The following LYPD4 variants were observed in gnomAD, a reference collection of about 807,000 sequenced individuals.
The protein encoded by LYPD4 is ly6/PLAUR domain-containing protein 4.
In LYPD4, 20 loss-of-function variants were observed where a neutral mutation model predicts 18.2. The observed-to-expected ratio is 1.10, with a 90% CI of 0.77 to 1.59. The LOEUF is 1.59. LYPD4 is among the 40% of genes most tolerant of loss of function. The pLI is 0.00. For synonymous variants in LYPD4, 111 were observed against 118.3 expected (o/e 0.94, Z 0.40); for missense variants, 278 against 300.3 (o/e 0.93, Z 0.55).
At chr19:41,840,881 TA>T (rs1174730268) in intron 1 of LYPD4, among the ~76,000 whole-genome samples, 1 of 151,766 alleles carries the variant, frequency 6.6e-6, no homozygotes, top group Non-Finnish European at 1.5e-5. Context: ...GAGACACAGC[TA>T]AAGCAGTATT....
chr19:41,841,294 G>A (rs2073580642), intron 1 of LYPD4, among the ~76,000 whole-genome samples: 1 of 151,906 alleles, frequency 6.6e-6, no homozygotes, highest in Admixed American at 6.6e-5. Flanking sequence ...GGCTGAGCCA[G>A]GACTGCTCGA....
chr19:41,840,787 G>A lies in LYPD4; in HGVS notation c.-120-1382C>T, dbSNP rs988032374. On this transcript the variant is annotated intron_variant, in intron 1 of 4. Transcript: ENST00000609812. ...GGAGCTTGCAGTGAGCCAAGATTGC[G>A]ACGCTGCACTCCAGCCTGGACGACA... 2.0e-5 allele frequency among the ~76,000 whole-genome samples: 3 copies of A among 151,002 alleles called. No individual in the cohort carries two copies. In the South Asian group the frequency reaches 6.2e-4, roughly 31 times the overall value.
intron 2 of LYPD4, 52 bp from the exon 3 acceptor site, chr19:41,839,076 C>A: frequency 6.2e-7 from 1 of 1,610,282 alleles, no homozygotes; most frequent in Non-Finnish European, 8.5e-7. Context: ...ATCTTCTGAG[C>A]CCGTTAACTG....
chr19:41,835,788 T>C (rs1326497518), downstream of LYPD4: 1 of 985,382 alleles, frequency 1.0e-6, no homozygotes, highest in East Asian at 1.1e-4. Context: ...CACGTGTGCT[T>C]CAGACCCCAC....
Position 41,838,111 on chromosome 19 carries a change from A to G in LYPD4, c.362T>C (p.Leu121Ser). The change falls in exon 4 of 5, where the codon TTG becomes TCG. Residue 121 changes from leucine to serine, a missense_variant. Physicochemically the swap from Leu to Ser is moderately radical, Grantham distance 145. Transcript: ENST00000609812. ...RSYLCNNLTN[L>S]EPFVKLKAST... Reference sequence around the variant, plus strand: ...GGCCTTGAGTTTCACAAAAGGCTCCAAATTGGTGAGGTTGTTGCAGAGATA... The same window carrying G: ...GGCCTTGAGTTTCACAAAAGGCTCCGAATTGGTGAGGTTGTTGCAGAGATA... 5 of 1,614,110 alleles carry G rather than the reference A, an allele frequency of 3.1e-6. No individual in the cohort carries two copies. The highest frequency in any genetic ancestry group is 4.2e-6 in the Non-Finnish European group (5 of 1,179,970).
rs782194415 is a variant in LYPD4 at position 41,839,300 on chromosome 19, G to C, written c.-15C>G. 6.2e-7 allele frequency: 1 copy of C among 1,613,326 alleles called. No individual in the cohort carries two copies. The highest frequency in any genetic ancestry group is 1.7e-5 in the Admixed American group (1 of 60,012). The stretch of plus-strand genomic sequence containing the variant: ...TGGGGTCCCATGGCCCTGTGTCTGG[G>C]TCCTGGGTGCTAGAGGTCAGTCTGG... On this transcript the variant is annotated 5_prime_UTR_variant, in exon 2 of 5. Coordinates refer to ENST00000609812, the MANE Select transcript of LYPD4 (RefSeq NM_173506.7).
At chr19:41,836,955 TG>T (rs2073385191), downstream of LYPD4, 1 of 1,136,486 alleles carries the variant, frequency 8.8e-7, no homozygotes, top group Non-Finnish European at 1.2e-6. Context: ...CCCCAGTTGC[TG>T]GGCAGGACAC....
downstream of LYPD4, chr19:41,835,650 G>T: frequency 6.1e-6 from 2 of 326,436 alleles, no homozygotes; most frequent in Non-Finnish European, 8.8e-6. Flanking sequence ...ACCTAGCCCT[G>T]TTCCACTTGC....
At chr19:41,838,841 A>G (rs782169686) in intron 3 of LYPD4, 40 bp downstream of exon 3, 2 of 1,608,948 alleles carry the variant, frequency 1.2e-6, no homozygotes, top group Non-Finnish European at 8.5e-7. Flanking sequence ...GGGTCAGAAG[A>G]GCAAGCAAAA....
intron 1 of LYPD4, among the ~76,000 whole-genome samples, chr19:41,839,755 G>A (rs956329508): frequency 8.6e-5 from 13 of 150,684 alleles, no homozygotes; most frequent in African/African-American, 3.2e-4. Flanking sequence ...AAATTTAAAA[G>A]TATTTAGAAC....
In LYPD4 at chr19:41,837,099, G is replaced by A; in HGVS notation, c.*44C>T. 1.2e-6 allele frequency: 2 copies of A among 1,611,672 alleles called. No individual in the cohort carries two copies. Among genetic ancestry groups the A allele is most frequent in the Non-Finnish European group, 1.7e-6 (2 of 1,178,922 alleles). ...GAAAGGGAACTCTGCTATTTTATTT[G>A]TTATGTGAAAGAGTCTGGGTGCTTG... On this transcript the variant is annotated 3_prime_UTR_variant, in exon 5 of 5. Transcript: ENST00000609812.
At chr19:41,843,048 A>C (rs1600568276) in intron 1 of LYPD4, among the ~76,000 whole-genome samples, 1 of 47,640 alleles carries the variant, frequency 2.1e-5, no homozygotes, top group Non-Finnish European at 4.3e-5. Flanking sequence ...AAAAAAAAAA[A>C]AAAAAAAAAA....
downstream of LYPD4, chr19:41,835,289 C>T (rs1555830069): frequency 6.6e-6 from 1 of 152,200 alleles, no homozygotes; most frequent in African/African-American, 2.4e-5. Context: ...TTTGTTAAAT[C>T]ACACTCCACA....
chr19:41,840,837 A>T (rs993135762), intron 1 of LYPD4, among the ~76,000 whole-genome samples: 4 of 152,094 alleles, frequency 2.6e-5, no homozygotes, highest in Admixed American at 2.0e-4. Context: ...CTCAAAAAAA[A>T]AAAAAATAAA....
Position 41,843,588 on chromosome 19 carries a change from T to C in LYPD4, c.-131A>G, listed in dbSNP as rs531270179. On this transcript the variant is annotated 5_prime_UTR_variant, in exon 1 of 5. Transcript: ENST00000609812. ...TAAGCGCCACCCAACCTTTCCAATT[T>C]TATCTAGGACAGCTCCCCTGCCCAG... is the stretch of plus-strand genomic sequence containing the variant. The C allele has an allele frequency of 6.6e-6, 1 of 151,876 alleles. No individual in the cohort carries two copies. The highest frequency in any genetic ancestry group is 2.1e-4 in the South Asian group (1 of 4,798). The allele number at this position is 151,876 out of a possible 1,614,324, so 9.4% of individuals were successfully genotyped here.
chr19:41,837,012 C>T (rs1555830494), downstream of LYPD4: 1 of 1,480,008 alleles, frequency 6.8e-7, no homozygotes, highest in Non-Finnish European at 9.0e-7. Context: ...CCTCCCTGGA[C>T]ATGCTTGGCC....
chr19:41,838,032 G>T lies in LYPD4; in HGVS notation c.441C>A (p.Gly147=). The T allele has an allele frequency of 1.9e-6, 3 of 1,614,128 alleles. No individual in the cohort carries two copies. Among genetic ancestry groups the T allele is most frequent in the Non-Finnish European group, 2.5e-6 (3 of 1,180,006 alleles). The change falls in exon 4 of 5, where the codon GGC becomes GGA. Residue 147 remains glycine, a synonymous_variant. Transcript: ENST00000609812. ...TTGGGAGGCAATCCTTCATGTGCTC[G>T]CCCACACAGGTCGGGCAGCTACAGG... The part of the protein sequence containing the change: ...SASCSCPTCV[G]EHMKDCLPNF...
At chr19:41,835,203 TG>T (rs2073360054), downstream of LYPD4, 1 of 152,092 alleles carries the variant, frequency 6.6e-6, no homozygotes, top group African/African-American at 2.4e-5. Flanking sequence ...AAGGAGTGGA[TG>T]GGGAAAAGAA....
chr19:41,839,457 C>T, intron 1 of LYPD4, 52 bp from the exon 2 acceptor site: 1 of 628,234 alleles, frequency 1.6e-6, no homozygotes, highest in Non-Finnish European at 2.8e-6. Context: ...CTCCCTCAGA[C>T]CTTCTGGGTC....
Sources: allele counts gnomAD v4.1 joint callset (sites outside exome capture counted in the v4.1 genomes callset), GRCh38; gene constraint gnomAD v4.1.1; transcripts MANE v1.5; gene names NCBI Gene and HGNC (gene_info 2026-07-23, HGNC 2026-07-21).